ZCCHC24: variants seen among roughly 807,000 people sequenced by gnomAD.
ZCCHC24 encodes the protein zinc finger CCHC domain-containing protein 24.
In ZCCHC24, 10 loss-of-function variants were observed where a neutral mutation model predicts 26.2. The ratio of observed to expected loss-of-function variants is 0.38; its 90% CI spans 0.24 to 0.65. The LOEUF (loss-of-function observed/expected upper bound fraction) is 0.65. Ranked by LOEUF, ZCCHC24 falls within the 30% of genes least tolerant of loss-of-function variation. The pLI is 0.54. For missense variants in ZCCHC24, 243 were observed against 329.1 expected (o/e 0.74, Z 2.03); for synonymous variants, 144 against 147.1 (o/e 0.98, Z 0.15).
At chr10:79,394,238 G>T (rs1252537747) in intron 3 of ZCCHC24, 38 bp downstream of exon 3, 1 of 1,598,418 alleles carries the variant, frequency 6.3e-7, no homozygotes, top group African/African-American at 1.3e-5. Context: ...TTGCCCTCCC[G>T]CGGTCCTTCT....
intron 3 of ZCCHC24, among the ~76,000 whole-genome samples, chr10:79,387,237 G>A (rs1470161556): frequency 1.3e-5 from 2 of 152,178 alleles, no homozygotes; most frequent in Non-Finnish European, 2.9e-5. Flanking sequence ...CACACTCACT[G>A]GGTGATCGCA....
chr10:79,420,858 G>A (rs1456074199), intron 2 of ZCCHC24, among the ~76,000 whole-genome samples: 3 of 152,200 alleles, frequency 2.0e-5, no homozygotes, highest in Non-Finnish European at 4.4e-5. Flanking sequence ...GCCAGGCACT[G>A]TTATAAACAC....
intron 2 of ZCCHC24, among the ~76,000 whole-genome samples, chr10:79,400,137 G>A (rs1040771887): frequency 6.6e-6 from 1 of 152,206 alleles, no homozygotes; most frequent in African/African-American, 2.4e-5. Flanking sequence ...TTTTCCTACT[G>A]TATTTCTATA....
chr10:79,438,050 G>A (rs913919558), intron 1 of ZCCHC24, among the ~76,000 whole-genome samples: 2 of 152,136 alleles, frequency 1.3e-5, no homozygotes, highest in African/African-American at 2.4e-5. Context: ...AAAAGGCAGC[G>A]TCTGGGCCAG....
intron 2 of ZCCHC24, among the ~76,000 whole-genome samples, chr10:79,416,058 C>T (rs752673730): frequency 2.0e-5 from 3 of 152,226 alleles, no homozygotes; most frequent in Admixed American, 2.0e-4. Context: ...ACTGCCACTG[C>T]TGCCGGTCCA....
At chr10:79,428,618 T>G (rs1327496437) in intron 2 of ZCCHC24, among the ~76,000 whole-genome samples, 1 of 151,986 alleles carries the variant, frequency 6.6e-6, no homozygotes, top group African/African-American at 2.4e-5. Context: ...AAATATAATT[T>G]AAAAGTAAAG....
chr10:79,411,112 A>G (rs1007647720), intron 2 of ZCCHC24, among the ~76,000 whole-genome samples: 5 of 152,146 alleles, frequency 3.3e-5, no homozygotes, highest in Non-Finnish European at 5.9e-5. Context: ...ACAGTGATGG[A>G]TGGCAGCCTC....
chr10:79,425,243 CA>C (rs1432355549), intron 2 of ZCCHC24, among the ~76,000 whole-genome samples: 1 of 152,220 alleles, frequency 6.6e-6, no homozygotes, highest in African/African-American at 2.4e-5. Context: ...GGCGACCCTG[CA>C]GGCAGGCCCA....
intron 1 of ZCCHC24, among the ~76,000 whole-genome samples, chr10:79,433,586 C>A (rs369637727): frequency 2.6e-4 from 39 of 152,354 alleles, no homozygotes; most frequent in African/African-American, 9.4e-4. Context: ...AGGGGTCCCC[C>A]TTTCCTGGAG....
chr10:79,403,015 CCT>C (rs1176505623), intron 2 of ZCCHC24, among the ~76,000 whole-genome samples: 1 of 152,170 alleles, frequency 6.6e-6, no homozygotes, highest in African/African-American at 2.4e-5. Flanking sequence ...TGAAGAATGC[CCT>C]GTCTTCATGG....
At chr10:79,428,143 A>G (rs1857059889) in intron 2 of ZCCHC24, among the ~76,000 whole-genome samples, 1 of 152,350 alleles carries the variant, frequency 6.6e-6, no homozygotes, top group East Asian at 1.9e-4. Flanking sequence ...GGGTGAACTG[A>G]TTTAAAAATG....
At chr10:79,434,284 G>A (rs977863103) in intron 1 of ZCCHC24, among the ~76,000 whole-genome samples, 3 of 152,156 alleles carry the variant, frequency 2.0e-5, no homozygotes, top group Non-Finnish European at 2.9e-5. Flanking sequence ...TGCCTGGCCC[G>A]ACCACCAAAT....
At chr10:79,415,775 A>G (rs552479550) in intron 2 of ZCCHC24, among the ~76,000 whole-genome samples, 9 of 152,176 alleles carry the variant, frequency 5.9e-5, no homozygotes, top group Admixed American at 2.6e-4. Context: ...TGATGCACTC[A>G]TATCTCCTAG....
chr10:79,390,592 A>C (rs1229119498), intron 3 of ZCCHC24, among the ~76,000 whole-genome samples: 1 of 152,170 alleles, frequency 6.6e-6, no homozygotes, highest in Non-Finnish European at 1.5e-5. Flanking sequence ...CTCTGGCTCG[A>C]CTGCTCAGCC....
In ZCCHC24 at chr10:79,383,186, G is replaced by C. The variant is rs1475917476; in HGVS notation, c.*3159C>G. On this transcript the variant is annotated 3_prime_UTR_variant, in exon 4 of 4. Transcript: ENST00000372336. ...AAAATACACATATGTATAAATACAG[G>C]ACAAGAACATATTAATAAGTCTAAA... 1.3e-5 allele frequency: 2 copies of C among 152,486 alleles called. No individual in the cohort carries two copies. Among genetic ancestry groups the C allele is most frequent in the Non-Finnish European group, 2.9e-5 (2 of 68,018 alleles). The allele number at this position is 152,486 out of a possible 1,614,324, so 9.4% of individuals were successfully genotyped here. A position where few individuals can be genotyped will look rare whatever the true frequency, so the allele number is the denominator to read the frequency against.
intron 3 of ZCCHC24, among the ~76,000 whole-genome samples, chr10:79,390,928 C>T (rs1338176312): frequency 6.6e-6 from 1 of 152,180 alleles, no homozygotes; most frequent in African/African-American, 2.4e-5. Context: ...ACATGGGGAG[C>T]ACCGCCGCTG....
At chr10:79,399,962 G>T (rs1271132594) in intron 2 of ZCCHC24, among the ~76,000 whole-genome samples, 1 of 152,216 alleles carries the variant, frequency 6.6e-6, no homozygotes, top group Non-Finnish European at 1.5e-5. Flanking sequence ...TATCAGGGAG[G>T]CTGCTGAGGG....
At chr10:79,426,317 T>G (rs1857027198) in intron 2 of ZCCHC24, among the ~76,000 whole-genome samples, 1 of 152,220 alleles carries the variant, frequency 6.6e-6, no homozygotes, top group Admixed American at 6.5e-5. Flanking sequence ...TACTCCCAGT[T>G]AGACCATTAA....
chr10:79,414,627 A>G (rs41435347), intron 2 of ZCCHC24, among the ~76,000 whole-genome samples: 30,478 of 151,976 alleles, frequency 0.2, 3,100 homozygotes, highest in African/African-American at 0.23. Context: ...CCTCAGGAGG[A>G]TAATTGTGGT....
Sources: gnomAD v4.1 joint callset for allele counts (sites outside exome capture counted in the v4.1 genomes callset) on GRCh38, gnomAD v4.1.1 for gene constraint, MANE v1.5 for transcripts, NCBI Gene and HGNC (gene_info 2026-07-23, HGNC 2026-07-21) for gene names.